AUTS2: variants seen among roughly 807,000 people sequenced by gnomAD.
The protein encoded by AUTS2 is autism susceptibility gene 2 protein.
AUTS2 carries 17 observed loss-of-function variants against 112.4 expected under a neutral mutation model. That is an observed-to-expected ratio of 0.15 (90% CI 0.10 to 0.23). The LOEUF is 0.23. Ranked by LOEUF, AUTS2 falls within the 10% of genes least tolerant of loss-of-function variation. AUTS2 has a pLI of 1.00. For synonymous variants in AUTS2, 751 were observed against 702.7 expected, an observed-to-expected ratio of 1.07 and a Z score of -1.09; for missense variants, 1,510 against 1,701.6, an observed-to-expected ratio of 0.89 and a Z score of 1.98.
chr7:70,634,578 G>A (rs911760548), intron 5 of AUTS2, among the ~76,000 whole-genome samples: 8 of 152,102 alleles, frequency 5.3e-5, no homozygotes, highest in Non-Finnish European at 1.0e-4. Context: ...TTTGTGATTC[G>A]GTACATCATT....
intron 2 of AUTS2, among the ~76,000 whole-genome samples, chr7:70,050,083 G>A (rs1309012512): frequency 2.0e-5 from 3 of 151,846 alleles, no homozygotes; most frequent in East Asian, 1.9e-4. Context: ...CTGGCCAGGC[G>A]CGGTGGCTCA....
At chr7:70,256,872 G>C (rs556314304) in intron 4 of AUTS2, among the ~76,000 whole-genome samples, 81 of 152,308 alleles carry the variant, frequency 5.3e-4, no homozygotes, top group African/African-American at 1.8e-3. Context: ...GTCTGGTGTA[G>C]AGCTAAGGGA....
Position 70,618,512 on chromosome 7 carries a change from C to T in AUTS2, c.691-80057C>T, listed in dbSNP as rs149770445. ...TTCTAGAAAGGACTCCATTTCCCCCCATATTGTATATTTCATATCCACAGA... is the reference window on the plus strand; with the variant it reads ...TTCTAGAAAGGACTCCATTTCCCCCTATATTGTATATTTCATATCCACAGA... On this transcript the variant is annotated intron_variant, in intron 5 of 18. Transcript: ENST00000342771. 1.6e-3 allele frequency among the ~76,000 whole-genome samples: 242 copies of T among 152,326 alleles called. 1 individual carries two copies. Among genetic ancestry groups the T allele is most frequent in the Non-Finnish European group, 2.7e-3 (181 of 68,028 alleles).
chr7:70,340,044 C>T (rs1414056447), intron 4 of AUTS2, among the ~76,000 whole-genome samples: 1 of 152,002 alleles, frequency 6.6e-6, no homozygotes, highest in African/African-American at 2.4e-5. Context: ...TAATACCAAG[C>T]AAATTACCTT....
At chr7:70,436,068 A>G in intron 5 of AUTS2, 1 of 337,052 alleles carries the variant, frequency 3.0e-6, no homozygotes. Flanking sequence ...ATTTTAAAAG[A>G]CAAAATTATT....
chr7:70,758,697 A>T (rs538407916), intron 6 of AUTS2, among the ~76,000 whole-genome samples: 131 of 152,364 alleles, frequency 8.6e-4, no homozygotes, highest in Non-Finnish European at 1.5e-3. Context: ...TTTCAAATTC[A>T]GCAACTTTCA....
chr7:70,091,994 T>C (rs114190566), intron 2 of AUTS2, among the ~76,000 whole-genome samples: 2,399 of 152,248 alleles, frequency 0.016, 65 homozygotes, highest in African/African-American at 0.051. Context: ...TACATTTTCT[T>C]GTAGCTATAG....
At chr7:69,613,565 C>T (rs775201904) in intron 1 of AUTS2, among the ~76,000 whole-genome samples, 2 of 152,280 alleles carry the variant, frequency 1.3e-5, no homozygotes, top group Non-Finnish European at 2.9e-5. Flanking sequence ...TAAACCCTTG[C>T]ACTCATTTAT....
intron 4 of AUTS2, among the ~76,000 whole-genome samples, chr7:70,394,474 G>A (rs1793999516): frequency 6.6e-6 from 1 of 152,206 alleles, no homozygotes; most frequent in Non-Finnish European, 1.5e-5. Context: ...TTTGAACTTT[G>A]CCAACCATAG....
intron 2 of AUTS2, among the ~76,000 whole-genome samples, chr7:70,006,302 A>G (rs1015681296): frequency 6.6e-6 from 1 of 152,180 alleles, no homozygotes; most frequent in Non-Finnish European, 1.5e-5. Flanking sequence ...TTCGTTTCAC[A>G]TTGCCTTTGA....
At chr7:70,773,086 A>G (rs1429175192) in intron 11 of AUTS2, among the ~76,000 whole-genome samples, 2 of 152,228 alleles carry the variant, frequency 1.3e-5, no homozygotes, top group Admixed American at 1.3e-4. Context: ...GGAGTTCTTC[A>G]TATGTATGCA....
chr7:69,794,142 G>A (rs975700402), intron 1 of AUTS2, among the ~76,000 whole-genome samples: 9 of 152,124 alleles, frequency 5.9e-5, no homozygotes, highest in African/African-American at 1.7e-4. Flanking sequence ...ATTGAGGTTC[G>A]GAGAACTTCT....
intron 5 of AUTS2, among the ~76,000 whole-genome samples, chr7:70,655,327 T>G (rs1320976411): frequency 6.6e-6 from 1 of 152,238 alleles, no homozygotes; most frequent in Non-Finnish European, 1.5e-5. Context: ...CCCAGATGAC[T>G]GCAGCTTACA....
chr7:69,888,827 G>A (rs960464829), intron 1 of AUTS2, among the ~76,000 whole-genome samples: 18 of 152,058 alleles, frequency 1.2e-4, no homozygotes, highest in African/African-American at 4.1e-4. Context: ...ACCTGCCTTG[G>A]CCTCCCAAAG....
intron 2 of AUTS2, among the ~76,000 whole-genome samples, chr7:70,075,424 G>A (rs936189593): frequency 6.6e-6 from 1 of 151,956 alleles, no homozygotes; most frequent in Non-Finnish European, 1.5e-5. Flanking sequence ...GCCCCTAAAG[G>A]CACTCAATAT....
At chr7:70,477,039 T>C (rs1158170255) in intron 5 of AUTS2, among the ~76,000 whole-genome samples, 1 of 152,240 alleles carries the variant, frequency 6.6e-6, no homozygotes, top group Admixed American at 6.5e-5. Flanking sequence ...TTACTTTGGA[T>C]AAAGTCTCAC....
At chr7:70,089,076 T>C (rs192402987) in intron 2 of AUTS2, among the ~76,000 whole-genome samples, 1 of 152,314 alleles carries the variant, frequency 6.6e-6, no homozygotes, top group East Asian at 1.9e-4. Context: ...TCTGCTGTCG[T>C]TGGGCTGAAT....
At chr7:70,162,168 C>T (rs185430401) in intron 4 of AUTS2, among the ~76,000 whole-genome samples, 64 of 152,024 alleles carry the variant, frequency 4.2e-4, no homozygotes, top group Admixed American at 1.0e-3. Flanking sequence ...AAGGAGAGGC[C>T]GGGCGCGGTG....
chr7:70,165,516 A>G (rs542057490), intron 4 of AUTS2, among the ~76,000 whole-genome samples: 26 of 152,326 alleles, frequency 1.7e-4, no homozygotes, highest in African/African-American at 6.3e-4. Flanking sequence ...AAAAAACTGA[A>G]AGAACAAATA....
Sources: allele counts gnomAD v4.1 joint callset (sites outside exome capture counted in the v4.1 genomes callset), GRCh38; gene constraint gnomAD v4.1.1; transcripts MANE v1.5; gene names NCBI Gene and HGNC (gene_info 2026-07-23, HGNC 2026-07-21).